Variants in TNRC6B observed in about 807,000 individuals in gnomAD.
The protein encoded by TNRC6B is trinucleotide repeat-containing gene 6B protein.
TNRC6B carries 52 observed loss-of-function variants against 203.6 expected under a neutral mutation model. The ratio of observed to expected loss-of-function variants is 0.26; its 90% CI spans 0.20 to 0.32. The LOEUF (loss-of-function observed/expected upper bound fraction) is 0.32. Among genes scored for constraint, TNRC6B ranks in the 10% least tolerant of loss-of-function variants. The pLI, the probability that TNRC6B is intolerant of heterozygous loss-of-function variation, is 1.00. For synonymous variants in TNRC6B, 838 were observed against 845.7 expected, an observed-to-expected ratio of 0.99 and a Z score of 0.16; for missense variants, 1,923 against 2,286.2, an observed-to-expected ratio of 0.84 and a Z score of 3.24.
intron 1 of TNRC6B, among the ~76,000 whole-genome samples, chr22:40,088,581 CTT>C (rs1243933580): frequency 1.4e-5 from 1 of 70,832 alleles, no homozygotes; most frequent in African/African-American, 5.0e-5. Flanking sequence ...CCGGCGGCTA[CTT>C]TTGTGTGTGT....
At chr22:40,121,802 A>G (rs2068449037) in intron 2 of TNRC6B, among the ~76,000 whole-genome samples, 1 of 152,244 alleles carries the variant, frequency 6.6e-6, no homozygotes, top group South Asian at 2.1e-4. Context: ...TCTCTATAGA[A>G]ACAGCCACTT....
At chr22:40,073,812 C>T (rs1244961416) in intron 1 of TNRC6B, among the ~76,000 whole-genome samples, 4 of 152,088 alleles carry the variant, frequency 2.6e-5, no homozygotes, top group African/African-American at 9.7e-5. Context: ...AATCCCAGCA[C>T]TTTGGGAGGC....
At chr22:40,295,474 C>CAA (rs5845457) in intron 12 of TNRC6B, among the ~76,000 whole-genome samples, 3 of 98,984 alleles carry the variant, frequency 3.0e-5, no homozygotes, top group Non-Finnish European at 4.0e-5. Context: ...ACTCCATTTC[C>CAA]AAAAAAAAAA....
intron 3 of TNRC6B, among the ~76,000 whole-genome samples, chr22:40,131,836 A>G (rs1173152070): frequency 6.6e-6 from 1 of 152,234 alleles, no homozygotes; most frequent in Non-Finnish European, 1.5e-5. Flanking sequence ...TGCTGAAGGA[A>G]GACAAGTTGA....
At chr22:40,222,603 A>T (rs1170134001) in intron 1 of TNRC6B, among the ~76,000 whole-genome samples, 1 of 152,044 alleles carries the variant, frequency 6.6e-6, no homozygotes, top group African/African-American at 2.4e-5. Context: ...TCTTCTTTTT[A>T]CTTAAAGTTT....
rs571309183 is a variant in TNRC6B at position 40,276,057 on chromosome 22, A to G, written c.3142-1020A>G. Among the ~76,000 whole-genome samples, 13 of 151,892 alleles carry G rather than the reference A, an allele frequency of 8.6e-5. No homozygotes were observed. In the East Asian group the frequency reaches 1.4e-3, roughly 16 times the overall value. On this transcript the variant is annotated intron_variant, in intron 7 of 22. Coordinates refer to ENST00000454349, the MANE Select transcript of TNRC6B (RefSeq NM_001162501.2). ...GGATAATAAAATTGATTTGATGACT[A>G]CCATCACGGGCTGGGCACGGTGGCT...
chr22:40,322,011 A>G (rs1388554711), intron 22 of TNRC6B, among the ~76,000 whole-genome samples: 1 of 152,146 alleles, frequency 6.6e-6, no homozygotes, highest in East Asian at 1.9e-4. Flanking sequence ...TGCAGATGCC[A>G]TGACAGAAAG....
At chr22:40,128,558 G>GGATCACGGCTCACGGCTCACA (rs2068514248) in intron 3 of TNRC6B, among the ~76,000 whole-genome samples, 1 of 150,774 alleles carries the variant, frequency 6.6e-6, no homozygotes, top group Admixed American at 6.6e-5. Flanking sequence ...CACGGCTCAC[G>GGATCACGGCTCACGGCTCACA]GCTCACGGCT....
intron 3 of TNRC6B, among the ~76,000 whole-genome samples, chr22:40,132,816 C>T (rs1206705652): frequency 5.6e-5 from 7 of 125,788 alleles, no homozygotes; most frequent in Non-Finnish European, 1.0e-4. Context: ...TGGTGGCAGG[C>T]GCCTGTAGTC....
At chr22:40,117,448 A>G (rs985615747) in intron 2 of TNRC6B, among the ~76,000 whole-genome samples, 22 of 152,094 alleles carry the variant, frequency 1.4e-4, no homozygotes, top group African/African-American at 5.3e-4. Flanking sequence ...TGTAGTCCAC[A>G]TTACTGCCAG....
chr22:40,104,173 C>T (rs2068262905), intron 1 of TNRC6B, among the ~76,000 whole-genome samples: 1 of 151,996 alleles, frequency 6.6e-6, no homozygotes, highest in Non-Finnish European at 1.5e-5. Flanking sequence ...ATCACTTGAA[C>T]TCAGGAGGTG....
intron 1 of TNRC6B, among the ~76,000 whole-genome samples, chr22:40,179,877 A>G (rs918572272): frequency 3.9e-5 from 6 of 152,218 alleles, no homozygotes; most frequent in Admixed American, 2.6e-4. Flanking sequence ...AAGACTTTCC[A>G]TTTGAATACA....
chr22:40,168,458 C>T (rs2068941562), intron 4 of TNRC6B, among the ~76,000 whole-genome samples: 1 of 152,128 alleles, frequency 6.6e-6, no homozygotes, highest in African/African-American at 2.4e-5. Context: ...CCTGGAGTGT[C>T]AAGAAAGGCT....
intron 22 of TNRC6B, among the ~76,000 whole-genome samples, chr22:40,322,371 AGTC>A (rs1447401752): frequency 6.6e-6 from 1 of 152,162 alleles, no homozygotes; most frequent in African/African-American, 2.4e-5. Context: ...TATCACCAAA[AGTC>A]TGTAGTTTAC....
intron 2 of TNRC6B, among the ~76,000 whole-genome samples, chr22:40,123,579 C>T (rs1035796640): frequency 2.6e-5 from 4 of 152,170 alleles, no homozygotes; most frequent in Admixed American, 2.0e-4. Flanking sequence ...TGATGGTGTC[C>T]CCTGGGGCAC....
chr22:40,310,680 T>C, intron 16 of TNRC6B, 137 bp from the exon 17 acceptor site: 1 of 866,108 alleles, frequency 1.2e-6, no homozygotes, highest in Non-Finnish European at 1.7e-6. Context: ...GAGTCTCGAA[T>C]GCAACCTCTT....
At chr22:40,098,080 A>G (rs1399889921) in intron 1 of TNRC6B, among the ~76,000 whole-genome samples, 1 of 151,948 alleles carries the variant, frequency 6.6e-6, no homozygotes, top group African/African-American at 2.4e-5. Flanking sequence ...TGTATGTAAA[A>G]TCCACCCTTA....
chr22:40,139,671 G>T (rs936895584), intron 3 of TNRC6B, among the ~76,000 whole-genome samples: 3 of 152,120 alleles, frequency 2.0e-5, no homozygotes, highest in Non-Finnish European at 4.4e-5. Flanking sequence ...TGAATATTTG[G>T]ATGATTCCCA....
chr22:40,161,453 C>T (rs1200766485), intron 4 of TNRC6B, among the ~76,000 whole-genome samples: 3 of 152,146 alleles, frequency 2.0e-5, no homozygotes, highest in African/African-American at 7.2e-5. Context: ...ATGTAATTAG[C>T]TGATCTGTGC....
Sources: allele counts gnomAD v4.1 joint callset (sites outside exome capture counted in the v4.1 genomes callset), GRCh38; gene constraint gnomAD v4.1.1; transcripts MANE v1.5; gene names NCBI Gene and HGNC (gene_info 2026-07-23, HGNC 2026-07-21).